Variants in ITPR1 observed in about 807,000 individuals in gnomAD.
The protein encoded by ITPR1 is inositol 1,4,5-trisphosphate-gated calcium channel ITPR1.
A neutral mutation model predicts 318.4 loss-of-function variants in ITPR1; 96 were observed. That is an observed-to-expected ratio of 0.30 (90% CI 0.26 to 0.36). The LOEUF (loss-of-function observed/expected upper bound fraction) is 0.36. Ranked by LOEUF, ITPR1 falls within the 10% of genes least tolerant of loss-of-function variation. The pLI is 1.00. For missense variants in ITPR1, 2,440 were observed against 3,460.2 expected (o/e 0.71, Z 7.40); for synonymous variants, 1,312 against 1,289.9 (o/e 1.02, Z -0.37).
intron 5 of ITPR1, among the ~76,000 whole-genome samples, chr3:4,632,787 G>C (rs938808329): frequency 6.6e-6 from 1 of 151,896 alleles, no homozygotes; most frequent in Non-Finnish European, 1.5e-5. Flanking sequence ...TCAATCATAA[G>C]GTGATCAAAA....
intron 2 of ITPR1, among the ~76,000 whole-genome samples, chr3:4,509,284 G>C (rs970835635): frequency 3.3e-5 from 5 of 152,228 alleles, no homozygotes; most frequent in African/African-American, 1.2e-4. Context: ...CTGTTTCCAA[G>C]TGTACACTCT....
Position 4,711,776 on chromosome 3 carries a change from C to T in ITPR1, c.5011C>T (p.Gln1671Ter). ...ATTCAGGTTAATAAAGCATACAAAA[C>T]AGCTGCTAGAAGAAAATGAAGAGAA... Reference protein sequence around the residue: ...FICKLIKHTKQLLEENEEKLC... With the variant: ...FICKLIKHTK The change falls in exon 39 of 62, where the codon CAG (glutamine) becomes TAG (stop). Residue 1671 changes from glutamine (Q) to a stop codon, truncating the protein, a stop_gained. Transcript: ENST00000649015. LOFTEE classifies it high-confidence loss of function. 1 of 1,548,298 alleles carries T rather than the reference C, an allele frequency of 6.5e-7. No individual in the cohort carries two copies. The highest frequency in any genetic ancestry group is 8.7e-7 in the Non-Finnish European group (1 of 1,143,032).
intron 35 of ITPR1, among the ~76,000 whole-genome samples, chr3:4,700,814 G>T (rs967113945): frequency 6.6e-6 from 1 of 152,176 alleles, no homozygotes; most frequent in Non-Finnish European, 1.5e-5. Flanking sequence ...GGCTGGGGAG[G>T]CCTCACAGTC....
At chr3:4,814,611 G>GGGGGGT in intron 58 of ITPR1, 49 bp downstream of exon 58, 2 of 707,942 alleles carry the variant, frequency 2.8e-6, no homozygotes, top group African/African-American at 1.9e-5. Flanking sequence ...GGGTGGGGTG[G>GGGGGGT]TTGGTGGGAG....
At chr3:4,707,054 T>C (rs1055096308) in intron 37 of ITPR1, among the ~76,000 whole-genome samples, 2 of 152,254 alleles carry the variant, frequency 1.3e-5, no homozygotes, top group African/African-American at 4.8e-5. Context: ...ATTTAAATCC[T>C]GGCTCTGCCG....
intron 4 of ITPR1, among the ~76,000 whole-genome samples, chr3:4,554,312 T>G (rs2085894488): frequency 6.6e-6 from 1 of 152,194 alleles, no homozygotes; most frequent in African/African-American, 2.4e-5. Flanking sequence ...ATGAGTACAG[T>G]GTTTGGCACA....
intron 46 of ITPR1, among the ~76,000 whole-genome samples, chr3:4,772,800 A>G (rs1046956522): frequency 6.6e-6 from 1 of 152,138 alleles, no homozygotes; most frequent in Non-Finnish European, 1.5e-5. Context: ...GCCTCTGTTT[A>G]TGGAGAGGGC....
chr3:4,689,651 A>G (rs993499799), intron 31 of ITPR1, among the ~76,000 whole-genome samples: 1 of 152,240 alleles, frequency 6.6e-6, no homozygotes, highest in Non-Finnish European at 1.5e-5. Context: ...GTCAAAAGAT[A>G]AAAAGATTAA....
In ITPR1 at chr3:4,645,373, A is replaced by T. The variant is rs368114873; in HGVS notation, c.625-14A>T. ...GAGGGGTACGTGAAAAAATAACTCG[A>T]ATCTGTGTTTCAGGTCAATTCCGTC... is the stretch of plus-strand genomic sequence containing the variant. On this transcript the variant is annotated splice_polypyrimidine_tract_variant and intron_variant, in intron 8 of 61. Coordinates refer to ENST00000649015, the MANE Select transcript of ITPR1 (RefSeq NM_001378452.1). The T allele has an allele frequency of 6.4e-4, 1,027 of 1,593,976 alleles. 14 individuals are homozygous for T. The South Asian group carries it at 0.011, about 17-fold the overall frequency.
At chr3:4,628,756 A>T (rs554415079) in intron 5 of ITPR1, among the ~76,000 whole-genome samples, 1 of 152,298 alleles carries the variant, frequency 6.6e-6, no homozygotes, top group South Asian at 2.1e-4. Context: ...TTGTGTCTAC[A>T]ACAAGGTTGG....
chr3:4,676,148 G>T (rs569982189), intron 23 of ITPR1, among the ~76,000 whole-genome samples: 251 of 150,750 alleles, frequency 1.7e-3, no homozygotes, highest in Non-Finnish European at 2.6e-3. Flanking sequence ...TCGAGACCAG[G>T]CTGGGCAATA....
intron 5 of ITPR1, among the ~76,000 whole-genome samples, chr3:4,629,716 A>G (rs1239642915): frequency 6.6e-6 from 1 of 152,250 alleles, no homozygotes; most frequent in Non-Finnish European, 1.5e-5. Flanking sequence ...GTACTATATT[A>G]CAGGACAAAC....
chr3:4,540,082 C>T (rs1324716581), intron 4 of ITPR1, among the ~76,000 whole-genome samples: 7 of 150,444 alleles, frequency 4.7e-5, no homozygotes, highest in African/African-American at 1.7e-4. Flanking sequence ...AGTAGGTGTG[C>T]AATTTTGCCT....
intron 59 of ITPR1, 29 bp from the exon 60 acceptor site, chr3:4,818,053 G>A: frequency 1.9e-6 from 3 of 1,575,188 alleles, no homozygotes; most frequent in Non-Finnish European, 2.6e-6. Flanking sequence ...TGCTCAGCTG[G>A]GGCTGGGGGC....
intron 32 of ITPR1, 116 bp from the exon 33 acceptor site, chr3:4,693,374 C>G: frequency 8.7e-7 from 1 of 1,145,250 alleles, no homozygotes; most frequent in Non-Finnish European, 1.3e-6. Context: ...ATAGGTAAGA[C>G]TGATTTGGGA....
chr3:4,619,805 C>A (rs1411924692), intron 4 of ITPR1, among the ~76,000 whole-genome samples: 2 of 136,192 alleles, frequency 1.5e-5, no homozygotes, highest in African/African-American at 5.5e-5. Context: ...CCCCTGCTCT[C>A]CTCTGCCCTC....
chr3:4,539,025 C>G (rs566553929), intron 4 of ITPR1, among the ~76,000 whole-genome samples: 1 of 152,068 alleles, frequency 6.6e-6, no homozygotes, highest in African/African-American at 2.4e-5. Context: ...ACATGTATTC[C>G]AGAACTTAAG....
intron 13 of ITPR1, among the ~76,000 whole-genome samples, chr3:4,659,715 A>C (rs2093793318): frequency 6.6e-6 from 1 of 151,994 alleles, no homozygotes; most frequent in Non-Finnish European, 1.5e-5. Context: ...AAACTGTTAT[A>C]GTCAATTGTA....
chr3:4,793,502 A>G (rs934902589), intron 52 of ITPR1, among the ~76,000 whole-genome samples: 5 of 152,242 alleles, frequency 3.3e-5, no homozygotes, highest in African/African-American at 9.6e-5. Context: ...TGGAGTTTAC[A>G]TATCCAGATC....
Sources: gnomAD v4.1 joint callset for allele counts (sites outside exome capture counted in the v4.1 genomes callset) on GRCh38, gnomAD v4.1.1 for gene constraint, MANE v1.5 for transcripts, NCBI Gene and HGNC (gene_info 2026-07-23, HGNC 2026-07-21) for gene names.